Variants in LEKR1 observed in about 807,000 individuals in gnomAD.
The protein encoded by LEKR1 is leucine, glutamate and lysine rich 1.
LEKR1 carries 59 observed loss-of-function variants against 72.4 expected under a neutral mutation model. The ratio of observed to expected loss-of-function variants is 0.82; its 90% CI spans 0.66 to 1.01. LEKR1 has a LOEUF of 1.01. Among genes scored for constraint, LEKR1 ranks in the 50% least tolerant of loss-of-function variants. The pLI is 0.00. For synonymous variants in LEKR1, 257 were observed against 263.2 expected, an observed-to-expected ratio of 0.98 and a Z score of 0.23; for missense variants, 728 against 759.2, an observed-to-expected ratio of 0.96 and a Z score of 0.48.
intron 12 of LEKR1, among the ~76,000 whole-genome samples, chr3:157,035,724 C>T (rs1734921271): frequency 1.3e-5 from 2 of 152,054 alleles, no homozygotes; most frequent in South Asian, 4.1e-4. Context: ...CATGGTAAAA[C>T]TCCGTCTCTA....
At chr3:157,000,844 G>T (rs573147914) in intron 9 of LEKR1, among the ~76,000 whole-genome samples, 72 of 152,276 alleles carry the variant, frequency 4.7e-4, no homozygotes, top group African/African-American at 1.7e-3. Flanking sequence ...TAATCTCCAG[G>T]TGTCAAGGGA....
At chr3:156,847,327 T>A (rs1175438552) in intron 2 of LEKR1, among the ~76,000 whole-genome samples, 1 of 152,250 alleles carries the variant, frequency 6.6e-6, no homozygotes, top group Non-Finnish European at 1.5e-5. Context: ...TTCAAATGGT[T>A]CTACATTTGT....
intron 10 of LEKR1, among the ~76,000 whole-genome samples, chr3:157,023,169 T>C (rs1207423501): frequency 6.6e-6 from 1 of 152,190 alleles, no homozygotes; most frequent in Non-Finnish European, 1.5e-5. Context: ...TTGTGAGTTT[T>C]TCTCCCAATT....
intron 6 of LEKR1, among the ~76,000 whole-genome samples, chr3:156,946,316 A>G (rs1726671509): frequency 6.6e-6 from 1 of 151,518 alleles, no homozygotes; most frequent in African/African-American, 2.4e-5. Flanking sequence ...TTACTGAATT[A>G]GTTTATCAGT....
At chr3:157,004,416 A>G (rs1052083558) in intron 9 of LEKR1, among the ~76,000 whole-genome samples, 2 of 152,166 alleles carry the variant, frequency 1.3e-5, no homozygotes, top group African/African-American at 4.8e-5. Flanking sequence ...CTGATAAAAC[A>G]AGTAATAGGA....
At chr3:157,001,924 G>A (rs1732046676) in intron 9 of LEKR1, among the ~76,000 whole-genome samples, 1 of 152,190 alleles carries the variant, frequency 6.6e-6, no homozygotes, top group African/African-American at 2.4e-5. Context: ...TTGCTGTAGG[G>A]ATGGATGCAT....
intron 5 of LEKR1, among the ~76,000 whole-genome samples, chr3:156,932,660 C>A (rs1268744025): frequency 7.2e-6 from 1 of 139,302 alleles, no homozygotes; most frequent in Non-Finnish European, 1.5e-5. Context: ...TTGCAGTGAA[C>A]ATGTCACTGC....
chr3:157,025,367 C>T (rs1287232226), intron 11 of LEKR1, among the ~76,000 whole-genome samples: 2 of 152,046 alleles, frequency 1.3e-5, no homozygotes, highest in Non-Finnish European at 2.9e-5. Context: ...GTAATTACAC[C>T]TCCCTAAATT....
At chr3:156,914,971 T>C (rs1723474527) in intron 3 of LEKR1, among the ~76,000 whole-genome samples, 2 of 152,110 alleles carry the variant, frequency 1.3e-5, no homozygotes, top group Admixed American at 6.6e-5. Flanking sequence ...CCCCAGTGTC[T>C]ATTGTTCCCC....
chr3:157,004,171 A>G (rs1372383230), intron 9 of LEKR1, among the ~76,000 whole-genome samples: 1 of 152,210 alleles, frequency 6.6e-6, no homozygotes, highest in Non-Finnish European at 1.5e-5. Context: ...CCCTAATCAG[A>G]AAGCTGTAAT....
rs529132934 is a variant in LEKR1, at chr3:156,942,951, C to T, written c.745+237C>T. Among the ~76,000 whole-genome samples the T allele has an allele frequency of 2.0e-5, 3 of 152,046 alleles. No homozygotes were observed. In the South Asian group the frequency reaches 6.2e-4, roughly 32 times the overall value. ...TTAAGTGAATATATAAAAGACATTT[C>T]AACTGCAACGTAAGATTTCAGAAAA... On this transcript the variant is annotated intron_variant, in intron 6 of 12. Transcript: ENST00000356539.
chr3:156,929,098 A>G (rs576223444), intron 5 of LEKR1, among the ~76,000 whole-genome samples: 1 of 152,102 alleles, frequency 6.6e-6, no homozygotes, highest in South Asian at 2.1e-4. Context: ...GTAAGCAACT[A>G]TTAAAAAATG....
At chr3:157,038,785 A>T (rs746352041) in intron 12 of LEKR1, among the ~76,000 whole-genome samples, 1 of 152,252 alleles carries the variant, frequency 6.6e-6, no homozygotes, top group Non-Finnish European at 1.5e-5. Flanking sequence ...TAGTAAGTAC[A>T]GTATGTCCTC....
chr3:157,006,015 T>C (rs959049380), intron 9 of LEKR1, among the ~76,000 whole-genome samples: 4 of 151,830 alleles, frequency 2.6e-5, no homozygotes, highest in Non-Finnish European at 4.4e-5. Flanking sequence ...TTTTTTTTTT[T>C]TGAGACGGAG....
chr3:156,873,157 T>C (rs1308352747), intron 3 of LEKR1, among the ~76,000 whole-genome samples: 33 of 152,052 alleles, frequency 2.2e-4, no homozygotes, highest in Admixed American at 2.2e-3. Flanking sequence ...GATCCCTTTA[T>C]CATTATATAA....
intron 3 of LEKR1, among the ~76,000 whole-genome samples, chr3:156,874,288 T>G (rs1452227428): frequency 1.3e-5 from 2 of 152,128 alleles, no homozygotes; most frequent in Non-Finnish European, 2.9e-5. Context: ...GTATTGTCTT[T>G]CAGTATTCTC....
intron 2 of LEKR1, among the ~76,000 whole-genome samples, chr3:156,851,383 C>G (rs1181816707): frequency 6.6e-6 from 1 of 152,130 alleles, no homozygotes; most frequent in South Asian, 2.1e-4. Flanking sequence ...CTGAGAGACA[C>G]AACTGGCAGA....
At chr3:156,891,221 A>G (rs534733619) in intron 3 of LEKR1, among the ~76,000 whole-genome samples, 1 of 152,248 alleles carries the variant, frequency 6.6e-6, no homozygotes, top group Non-Finnish European at 1.5e-5. Flanking sequence ...GGGAAACTAG[A>G]AAAGCATCTT....
At chr3:156,857,563 A>G (rs948204687) in intron 3 of LEKR1, among the ~76,000 whole-genome samples, 1 of 152,190 alleles carries the variant, frequency 6.6e-6, no homozygotes, top group African/African-American at 2.4e-5. Context: ...AATATTTTCA[A>G]AATACATACC....
Sources: allele counts gnomAD v4.1 joint callset (sites outside exome capture counted in the v4.1 genomes callset), GRCh38; gene constraint gnomAD v4.1.1; transcripts MANE v1.5; gene names NCBI Gene and HGNC (gene_info 2026-07-23, HGNC 2026-07-21).